Variants in SLIT3 observed in about 807,000 individuals in gnomAD.
SLIT3 encodes slit homolog 3 protein.
A neutral mutation model predicts 184.0 loss-of-function variants in SLIT3; 68 were observed. That is an observed-to-expected ratio of 0.37 (90% CI 0.30 to 0.45). The LOEUF (loss-of-function observed/expected upper bound fraction) is 0.45, where lower values mean the gene tolerates loss of function less well. SLIT3 is among the 20% of genes least tolerant of loss of function. SLIT3 has a pLI of 1.00. For missense variants in SLIT3, 1,707 were observed against 2,026.0 expected (o/e 0.84, Z 3.02); for synonymous variants, 831 against 828.6 (o/e 1.00, Z -0.05).
Position 168,752,942 on chromosome 5 carries a change from C to T in SLIT3, c.1973+13G>A, listed in dbSNP as rs769529401. The T allele has an allele frequency of 1.2e-6, 2 of 1,613,796 alleles. No individual in the cohort carries two copies. Among genetic ancestry groups the T allele is most frequent in the South Asian group, 2.2e-5 (2 of 91,026 alleles). ...TCCCAGAGTCCGTGGGCAGTGGACC[C>T]AGGAGAACTTACATGGTGGACAGGG... On this transcript the variant is annotated intron_variant, in intron 18 of 35. Transcript: ENST00000519560.
intron 4 of SLIT3, among the ~76,000 whole-genome samples, chr5:168,911,358 G>A (rs1318727472): frequency 6.6e-6 from 1 of 152,144 alleles, no homozygotes; most frequent in African/African-American, 2.4e-5. Context: ...ATGCTGGTGT[G>A]ACTACCACAC....
At chr5:168,841,424 A>T (rs1299571681) in intron 6 of SLIT3, among the ~76,000 whole-genome samples, 3 of 152,102 alleles carry the variant, frequency 2.0e-5, no homozygotes, top group African/African-American at 7.2e-5. Flanking sequence ...AAGGAATGAG[A>T]AGTTTCGCCC....
chr5:169,282,965 G>A (rs56384249), intron 1 of SLIT3, among the ~76,000 whole-genome samples: 2,247 of 152,328 alleles, frequency 0.015, 59 homozygotes, highest in African/African-American at 0.051. Context: ...CCGGGCATCA[G>A]TAATTTTTTA....
chr5:168,942,331 G>A (rs2113209881), intron 4 of SLIT3, among the ~76,000 whole-genome samples: 1 of 152,242 alleles, frequency 6.6e-6, no homozygotes, highest in South Asian at 2.1e-4. Flanking sequence ...TGAATTTTTA[G>A]TTTTATGAGC....
chr5:168,764,696 G>A (rs1755274180), intron 14 of SLIT3, among the ~76,000 whole-genome samples: 1 of 152,116 alleles, frequency 6.6e-6, no homozygotes, highest in East Asian at 1.9e-4. Context: ...TCAGAAGCCT[G>A]GTCCTGTCCT....
intron 4 of SLIT3, among the ~76,000 whole-genome samples, chr5:169,006,631 A>AC (rs774557121): frequency 0.036 from 5,150 of 144,328 alleles, 122 homozygotes; most frequent in Middle Eastern, 0.066. Flanking sequence ...ACACACACAC[A>AC]ACTCTCCAAG....
chr5:168,834,254 C>G (rs1757970517), intron 6 of SLIT3, among the ~76,000 whole-genome samples: 1 of 152,092 alleles, frequency 6.6e-6, no homozygotes, highest in African/African-American at 2.4e-5. Flanking sequence ...ATTTGCAAGG[C>G]TGTGAGAAGC....
chr5:169,178,019 C>G (rs1447071209), intron 4 of SLIT3, among the ~76,000 whole-genome samples: 5 of 152,230 alleles, frequency 3.3e-5, no homozygotes, highest in Non-Finnish European at 7.3e-5. Context: ...ATCATGACAG[C>G]AACCACGTGG....
At chr5:169,018,351 G>GA (rs1215133873) in intron 4 of SLIT3, 1 of 151,158 alleles carries the variant, frequency 6.6e-6, no homozygotes, top group Non-Finnish European at 1.5e-5. Flanking sequence ...AAACCCATCT[G>GA]AAAAGGGCAG....
At chr5:169,240,844 C>T (rs1447415419) in intron 3 of SLIT3, among the ~76,000 whole-genome samples, 2 of 149,272 alleles carry the variant, frequency 1.3e-5, no homozygotes, top group African/African-American at 4.9e-5. Flanking sequence ...TCATACTGTG[C>T]TCCTTTCCCC....
intron 5 of SLIT3, among the ~76,000 whole-genome samples, chr5:168,881,192 A>T (rs1006093592): frequency 1.3e-5 from 2 of 152,216 alleles, no homozygotes; most frequent in Non-Finnish European, 2.9e-5. Context: ...ACACATTTGC[A>T]TGGCTTAGAG....
intron 4 of SLIT3, among the ~76,000 whole-genome samples, chr5:169,087,425 T>G (rs1759351172): frequency 6.6e-6 from 1 of 152,186 alleles, no homozygotes; most frequent in East Asian, 1.9e-4. Context: ...TGTAGGGATG[T>G]GAGGCAGTGC....
chr5:168,951,174 T>C (rs1031329755), intron 4 of SLIT3, among the ~76,000 whole-genome samples: 1 of 152,216 alleles, frequency 6.6e-6, no homozygotes, highest in South Asian at 2.1e-4. Context: ...GAGCCAAGAT[T>C]GCACCACTGC....
intron 1 of SLIT3, among the ~76,000 whole-genome samples, chr5:169,283,038 T>C (rs747995912): frequency 1.1e-4 from 16 of 152,222 alleles, no homozygotes; most frequent in Non-Finnish European, 2.1e-4. Context: ...GGACTCATTA[T>C]CCTTATTTTA....
At position 168,896,405 on chromosome 5, in the gene SLIT3, A is replaced by C. The variant is rs746180680; in HGVS notation, c.414-13069T>G. Among the ~76,000 whole-genome samples the C allele has an allele frequency of 7.2e-5, 11 of 152,238 alleles. No individual in the cohort carries two copies. In the East Asian group the frequency reaches 1.3e-3, roughly 19 times the overall value. On this transcript the variant is annotated intron_variant, in intron 4 of 35. Transcript: ENST00000519560. ...CAGCACTGGATAAGTACTGGTTCTT[A>C]TCAGTACTTGCATCTGTTCAAGTCA...
chr5:169,095,177 T>C (rs61059788), intron 4 of SLIT3, among the ~76,000 whole-genome samples: 9,954 of 152,306 alleles, frequency 0.065, 544 homozygotes, highest in Admixed American at 0.14. Context: ...CAAAATCCCC[T>C]GATCTAGCCA....
At chr5:169,193,880 A>G (rs1047825908) in intron 3 of SLIT3, among the ~76,000 whole-genome samples, 2 of 152,122 alleles carry the variant, frequency 1.3e-5, no homozygotes, top group African/African-American at 4.8e-5. Context: ...AACTTTTCTC[A>G]CCATGAGCTT....
At chr5:168,973,212 C>CT (rs1308514770) in intron 4 of SLIT3, among the ~76,000 whole-genome samples, 3 of 152,178 alleles carry the variant, frequency 2.0e-5, no homozygotes, top group African/African-American at 2.4e-5. Context: ...CTAGAAATAA[C>CT]TTTTTTTCCC....
intron 4 of SLIT3, among the ~76,000 whole-genome samples, chr5:168,926,003 G>A (rs938548122): frequency 1.3e-5 from 2 of 152,206 alleles, no homozygotes; most frequent in Non-Finnish European, 2.9e-5. Flanking sequence ...ATCTACGGAA[G>A]GCATGTTTTC....
Sources: allele counts gnomAD v4.1 joint callset (sites outside exome capture counted in the v4.1 genomes callset), GRCh38; gene constraint gnomAD v4.1.1; transcripts MANE v1.5; gene names NCBI Gene and HGNC (gene_info 2026-07-23, HGNC 2026-07-21).